Variants in CHAT observed in about 807,000 individuals in gnomAD.
CHAT encodes the protein acetyl CoA:choline O-acetyltransferase.
A neutral mutation model predicts 76.9 loss-of-function variants in CHAT; 61 were observed. That is an observed-to-expected ratio of 0.79 (90% confidence interval 0.65 to 0.98). The LOEUF (loss-of-function observed/expected upper bound fraction) is 0.98. Ranked by LOEUF, CHAT falls within the 50% of genes least tolerant of loss-of-function variation. CHAT has a pLI of 0.00. For synonymous variants in CHAT, 407 were observed against 397.4 expected, an observed-to-expected ratio of 1.02 and a Z score of -0.29; for missense variants, 946 against 986.9, an observed-to-expected ratio of 0.96 and a Z score of 0.56.
chr10:49,627,882 AGC>A (rs1230166873), intron 7 of CHAT, 97 bp downstream of exon 7: 59 of 1,403,204 alleles, frequency 4.2e-5, no homozygotes, highest in Non-Finnish European at 5.8e-5. Flanking sequence ...CATCCCCATC[AGC>A]CATAGTGTGG....
At chr10:49,662,508 T>C (rs975153878) in intron 13 of CHAT, 137 bp from the exon 14 acceptor site, 2 of 1,127,390 alleles carry the variant, frequency 1.8e-6, no homozygotes, top group South Asian at 1.3e-5. Context: ...CTCATACACA[T>C]TGTTGGCAGC....
intron 7 of CHAT, among the ~76,000 whole-genome samples, chr10:49,643,726 A>G (rs1839564700): frequency 6.6e-6 from 1 of 152,134 alleles, no homozygotes; most frequent in Non-Finnish European, 1.5e-5. Flanking sequence ...TCCCCTTCCC[A>G]TTAGCCAGCT....
At chr10:49,628,000 G>A (rs879726474) in intron 7 of CHAT, among the ~76,000 whole-genome samples, 1 of 152,110 alleles carries the variant, frequency 6.6e-6, no homozygotes, top group African/African-American at 2.4e-5. Context: ...CTTTCTTGGT[G>A]GGACTAACTA....
chr10:49,658,901 G>A (rs954650290), intron 13 of CHAT, among the ~76,000 whole-genome samples: 1 of 152,012 alleles, frequency 6.6e-6, no homozygotes, highest in African/African-American at 2.4e-5. Context: ...AAATTCAGTG[G>A]AAGAATTAGA....
intron 7 of CHAT, among the ~76,000 whole-genome samples, chr10:49,631,661 A>G (rs1839125631): frequency 6.6e-6 from 1 of 152,206 alleles, no homozygotes; most frequent in African/African-American, 2.4e-5. Flanking sequence ...TGAACTAGAA[A>G]GCCAGGAATG....
chr10:49,646,806 T>C, intron 8 of CHAT, 132 bp downstream of exon 8: 7 of 1,035,312 alleles, frequency 6.8e-6, no homozygotes, highest in Non-Finnish European at 1.0e-5. Flanking sequence ...TGGTTTCTGC[T>C]GCCTAAGAGG....
chr10:49,636,361 CA>C (rs1475380015), intron 7 of CHAT, among the ~76,000 whole-genome samples: 1 of 152,072 alleles, frequency 6.6e-6, no homozygotes, highest in African/African-American at 2.4e-5. Context: ...AAATGAGCCC[CA>C]GTTGGTCATG....
At chr10:49,614,694 C>T (rs1461022527) in intron 1 of CHAT, among the ~76,000 whole-genome samples, 3 of 152,200 alleles carry the variant, frequency 2.0e-5, no homozygotes, top group Non-Finnish European at 4.4e-5. Flanking sequence ...ATCAGGGCTT[C>T]GGGACTCCAA....
upstream of CHAT, chr10:49,611,328 C>T (rs1838288378): frequency 1.9e-6 from 3 of 1,603,718 alleles, no homozygotes; most frequent in African/African-American, 1.3e-5. Flanking sequence ...ACACGTCTGG[C>T]ATAGCCATGA....
chr10:49,649,367 G>A lies in CHAT; in HGVS notation c.1383-141G>A, dbSNP rs1413969680. 1.4e-5 allele frequency: 16 copies of A among 1,161,328 alleles called. No individual in the cohort carries two copies. The Admixed American group carries it at 2.6e-4, about 19-fold the overall frequency. The allele number at this position is 1,161,328 out of a possible 1,614,324, so 71.9% of individuals were successfully genotyped here. On this transcript the variant is annotated intron_variant, in intron 9 of 14. Transcript: ENST00000337653. The stretch of plus-strand genomic sequence containing the variant: ...GAGCCTCAGTTTATTCATCTGCACG[G>A]TGGTTCAGGGGCAGCTCGTACCCCC...
chr10:49,621,230 A>T (rs1838696373), intron 4 of CHAT, among the ~76,000 whole-genome samples: 1 of 152,074 alleles, frequency 6.6e-6, no homozygotes, highest in African/African-American at 2.4e-5. Context: ...GTTTAGAGGG[A>T]GGGCAGACCA....
chr10:49,656,809 A>G (rs1317772483), intron 13 of CHAT, among the ~76,000 whole-genome samples: 1 of 151,976 alleles, frequency 6.6e-6, no homozygotes, highest in Non-Finnish European at 1.5e-5. Context: ...CTGGTTAAGA[A>G]CCTTTCTAAT....
At chr10:49,629,734 C>T (rs529732318) in intron 7 of CHAT, among the ~76,000 whole-genome samples, 7 of 152,196 alleles carry the variant, frequency 4.6e-5, no homozygotes, top group Non-Finnish European at 7.3e-5. Context: ...GGGACACATG[C>T]GCCTCCCCTT....
chr10:49,633,454 G>T (rs745485539), intron 7 of CHAT, among the ~76,000 whole-genome samples: 18 of 152,158 alleles, frequency 1.2e-4, no homozygotes, highest in Non-Finnish European at 2.5e-4. Context: ...TTTAGGGGTG[G>T]CCGGGGGTGA....
chr10:49,654,904 C>G (rs1214900615), intron 11 of CHAT, among the ~76,000 whole-genome samples, 191 bp from the exon 12 acceptor site: 1 of 152,112 alleles, frequency 6.6e-6, no homozygotes, highest in Non-Finnish European at 1.5e-5. Flanking sequence ...AAACGTGGCT[C>G]TCCATGTGGG....
At position 49,664,790 on chromosome 10, in the gene CHAT, C is replaced by T. The variant is rs934032336; in HGVS notation, c.1991C>T (p.Thr664Met). ...CCTCTCCTCCAGGTGCCCACAACCACGGAGATGTTCTGCTGCTATGGTCCT... is the reference window on the plus strand; with the variant it reads ...CCTCTCCTCCAGGTGCCCACAACCATGGAGATGTTCTGCTGCTATGGTCCT... ...VLSTSQVPTTTEMFCCYGPVV... is the reference protein window; with the variant it reads ...VLSTSQVPTTMEMFCCYGPVV... The change falls in exon 15 of 15, where the codon ACG (threonine) becomes ATG (methionine). Residue 664 changes from threonine (T) to methionine (M), a missense_variant. Physicochemically the swap from Thr to Met is moderately conservative, Grantham distance 81 (BLOSUM62 -1). Transcript: ENST00000337653. 75 of 1,614,100 alleles carry T rather than the reference C, an allele frequency of 4.6e-5. 1 individual carries two copies. Among genetic ancestry groups the T allele is most frequent in the Non-Finnish European group, 6.2e-5 (73 of 1,180,044 alleles).
chr10:49,632,900 C>T (rs1839173733), intron 7 of CHAT, among the ~76,000 whole-genome samples: 1 of 152,220 alleles, frequency 6.6e-6, no homozygotes, highest in South Asian at 2.1e-4. Flanking sequence ...CCGCACCCCT[C>T]AGCTCCAGCT....
chr10:49,626,915 C>T (rs1279490642), intron 6 of CHAT, among the ~76,000 whole-genome samples: 1 of 152,258 alleles, frequency 6.6e-6, no homozygotes, highest in Non-Finnish European at 1.5e-5. Context: ...CACACATGCA[C>T]ACATGTGTAG....
At chr10:49,646,365 G>C (rs992056135) in intron 7 of CHAT, 140 bp from the exon 8 acceptor site, 21 of 1,041,742 alleles carry the variant, frequency 2.0e-5, no homozygotes, top group South Asian at 3.9e-5. Context: ...GGGGCAAGGT[G>C]GGGGGTCAGG....
Sources: allele counts gnomAD v4.1 joint callset (sites outside exome capture counted in the v4.1 genomes callset), GRCh38; gene constraint gnomAD v4.1.1; transcripts MANE v1.5; gene names NCBI Gene and HGNC (gene_info 2026-07-23, HGNC 2026-07-21).